The following GALNT13 variants were observed in gnomAD, a reference collection of about 807,000 sequenced individuals.
GALNT13 encodes the protein polypeptide N-acetylgalactosaminyltransferase 13.
GALNT13 carries 28 observed loss-of-function variants against 64.2 expected under a neutral mutation model. The observed-to-expected ratio is 0.44, with a 90% CI of 0.32 to 0.60. The LOEUF (loss-of-function observed/expected upper bound fraction) is 0.60. Ranked by LOEUF, GALNT13 falls within the 20% of genes least tolerant of loss-of-function variation. The probability of loss-of-function intolerance (pLI) is 0.05; values close to 1 mark genes in which losing one functional copy is unlikely to be tolerated. For synonymous variants in GALNT13, 214 were observed against 224.6 expected (o/e 0.95, Z 0.42); for missense variants, 577 against 669.8 (o/e 0.86, Z 1.53).
intron 3 of GALNT13, among the ~76,000 whole-genome samples, chr2:154,101,300 G>A (rs951629053): frequency 6.6e-6 from 1 of 151,722 alleles, no homozygotes; most frequent in African/African-American, 2.4e-5. Flanking sequence ...CTTTTTGGTT[G>A]TAATAATTTT....
At chr2:153,719,148 C>A in the GALNT13 span, among the ~76,000 whole-genome samples, 1 of 152,078 alleles carries the variant, frequency 6.6e-6, no homozygotes, top group Non-Finnish European at 1.5e-5. Flanking sequence ...ATTACAACAA[C>A]CATCTGATCA....
chr2:153,217,953 A>T, the GALNT13 span, among the ~76,000 whole-genome samples: 8 of 152,176 alleles, frequency 5.3e-5, no homozygotes, highest in Non-Finnish European at 1.0e-4. Flanking sequence ...GCAGATGGAC[A>T]TGTCTTTCCT....
the GALNT13 span, among the ~76,000 whole-genome samples, chr2:153,653,687 T>G: frequency 6.6e-6 from 1 of 152,158 alleles, no homozygotes; most frequent in Admixed American, 6.6e-5. Context: ...CATGAGTTCA[T>G]AATAACATTT....
chr2:154,208,320 G>C (rs1189146973), intron 4 of GALNT13, among the ~76,000 whole-genome samples: 1 of 152,040 alleles, frequency 6.6e-6, no homozygotes, highest in African/African-American at 2.4e-5. Context: ...GCAGAACTTA[G>C]AGTCAGAAAA....
At chr2:153,603,042 TGTA>T in the GALNT13 span, among the ~76,000 whole-genome samples, 1 of 151,888 alleles carries the variant, frequency 6.6e-6, no homozygotes, top group Admixed American at 6.6e-5. Context: ...AGTGTTGTGT[TGTA>T]GTCCTCTACT....
intron 8 of GALNT13, among the ~76,000 whole-genome samples, chr2:154,290,127 A>ATATCTAGATTTTTCC (rs1692514752): frequency 6.6e-6 from 1 of 152,162 alleles, no homozygotes; most frequent in Non-Finnish European, 1.5e-5. Context: ...ATCTAGATTT[A>ATATCTAGATTTTTCC]CTGCCGGGGC....
At chr2:154,120,422 G>A (rs1681873904) in intron 3 of GALNT13, among the ~76,000 whole-genome samples, 1 of 152,192 alleles carries the variant, frequency 6.6e-6, no homozygotes, top group East Asian at 1.9e-4. Flanking sequence ...CAGAGTCTAT[G>A]CTCATTAGAA....
chr2:153,797,473 A>G, the GALNT13 span, among the ~76,000 whole-genome samples: 3 of 152,276 alleles, frequency 2.0e-5, no homozygotes, highest in Admixed American at 6.5e-5. Context: ...CAACCATCCT[A>G]AAAATTAATC....
In GALNT13 at chr2:154,392,971, G is replaced by A. The variant is rs114320477; in HGVS notation, c.1157-3020G>A. On this transcript the variant is annotated intron_variant, in intron 9 of 12. Coordinates refer to ENST00000392825, the MANE Select transcript of GALNT13 (RefSeq NM_052917.4). ...TAATGAGTTAAAAATGTATATGTGCGAGAGAAAGAAAATTATTTGTTTTTC... is the reference window on the plus strand; with the variant it reads ...TAATGAGTTAAAAATGTATATGTGCAAGAGAAAGAAAATTATTTGTTTTTC... Among the ~76,000 whole-genome samples, 730 of 152,262 alleles carry A rather than the reference G, an allele frequency of 4.8e-3. 7 individuals carry two copies. Among genetic ancestry groups the A allele is most frequent in the African/African-American group, 0.016 (683 of 41,562 alleles).
intron 1 of GALNT13, among the ~76,000 whole-genome samples, chr2:153,877,847 CTTTGTA>C (rs1051140823): frequency 2.1e-4 from 32 of 152,206 alleles, no homozygotes; most frequent in African/African-American, 6.3e-4. Context: ...TGGTTGTTTA[CTTTGTA>C]TTTGTACTGT....
chr2:153,379,566 G>A, the GALNT13 span, among the ~76,000 whole-genome samples: 2 of 152,126 alleles, frequency 1.3e-5, no homozygotes, highest in Non-Finnish European at 2.9e-5. Context: ...ACTCTGATTA[G>A]GATTCTCAAT....
At chr2:153,176,989 AGAATTGCACAG>A in the GALNT13 span, among the ~76,000 whole-genome samples, 1 of 152,290 alleles carries the variant, frequency 6.6e-6, no homozygotes, top group East Asian at 1.9e-4. Context: ...AGAATTTATA[AGAATTGCACAG>A]GAAGTTTCTC....
chr2:153,164,504 G>A, the GALNT13 span, among the ~76,000 whole-genome samples: 1 of 151,928 alleles, frequency 6.6e-6, no homozygotes, highest in African/African-American at 2.4e-5. Flanking sequence ...TTTTATTGAG[G>A]TATAATTGAT....
At chr2:154,284,518 G>T (rs1574015620) in intron 8 of GALNT13, among the ~76,000 whole-genome samples, 3 of 95,080 alleles carry the variant, frequency 3.2e-5, no homozygotes, top group South Asian at 2.8e-4. Flanking sequence ...TATACATATA[G>T]CTACACACAC....
chr2:154,236,086 A>G (rs1047346647), intron 4 of GALNT13: 258 of 1,204,022 alleles, frequency 2.1e-4, no homozygotes, highest in Non-Finnish European at 2.6e-4. Context: ...CATCCAGATG[A>G]CAGAAGAGAT....
intron 3 of GALNT13, among the ~76,000 whole-genome samples, chr2:154,046,027 G>T (rs573823438): frequency 7.9e-5 from 12 of 152,106 alleles, no homozygotes; most frequent in African/African-American, 2.2e-4. Context: ...AAGACCCTGA[G>T]CTGGATGTCG....
chr2:153,395,424 A>G, the GALNT13 span, among the ~76,000 whole-genome samples: 1 of 152,126 alleles, frequency 6.6e-6, no homozygotes, highest in East Asian at 1.9e-4. Flanking sequence ...TTTCAAACGA[A>G]TGCTGAAGAC....
chr2:153,642,296 G>A, the GALNT13 span, among the ~76,000 whole-genome samples: 18 of 151,754 alleles, frequency 1.2e-4, no homozygotes, highest in Admixed American at 1.1e-3. Flanking sequence ...TTGTTTGCTT[G>A]TGTGTGCACA....
chr2:154,304,569 T>C (rs1049317276), intron 9 of GALNT13, among the ~76,000 whole-genome samples: 1 of 152,220 alleles, frequency 6.6e-6, no homozygotes, highest in African/African-American at 2.4e-5. Context: ...TGTGCTAGTC[T>C]TTTGTATAAT....
Sources: allele counts gnomAD v4.1 joint callset (sites outside exome capture counted in the v4.1 genomes callset), GRCh38; gene constraint gnomAD v4.1.1; transcripts MANE v1.5; gene names NCBI Gene and HGNC (gene_info 2026-07-23, HGNC 2026-07-21).